The following SH3RF3 variants were observed in gnomAD, a reference collection of about 807,000 sequenced individuals.
SH3RF3 encodes SH3 domain containing ring finger 3.
In SH3RF3, 29 loss-of-function variants were observed where a neutral mutation model predicts 66.3. The ratio of observed to expected loss-of-function variants is 0.44; its 90% CI spans 0.33 to 0.60. The LOEUF is 0.60. SH3RF3 is among the 20% of genes least tolerant of loss of function. The probability of loss-of-function intolerance (pLI) is 0.04; values close to 1 mark genes in which losing one functional copy is unlikely to be tolerated. For missense variants in SH3RF3, 1,194 were observed against 1,190.9 expected (o/e 1.00, Z -0.04); for synonymous variants, 583 against 532.0 (o/e 1.10, Z -1.32).
At chr2:109,143,400 G>T (rs934994912) in intron 1 of SH3RF3, among the ~76,000 whole-genome samples, 4 of 152,098 alleles carry the variant, frequency 2.6e-5, no homozygotes, top group Non-Finnish European at 5.9e-5. Context: ...TATTCACAGG[G>T]CCAATATCTG....
At chr2:109,249,222 C>G (rs534294684) in intron 1 of SH3RF3, among the ~76,000 whole-genome samples, 1 of 152,188 alleles carries the variant, frequency 6.6e-6, no homozygotes. Context: ...AACTCCCCCC[C>G]GACTCCTACC....
At chr2:109,444,029 A>C (rs555165703) in intron 7 of SH3RF3, among the ~76,000 whole-genome samples, 18 of 152,190 alleles carry the variant, frequency 1.2e-4, no homozygotes, top group African/African-American at 4.3e-4. Context: ...AAAGGGATTC[A>C]AGTCATGGAA....
chr2:109,291,264 A>T (rs1392497891), intron 1 of SH3RF3, among the ~76,000 whole-genome samples: 1 of 151,424 alleles, frequency 6.6e-6, no homozygotes, highest in African/African-American at 2.4e-5. Flanking sequence ...TGGGAGAAAA[A>T]GAAACAGAGT....
intron 3 of SH3RF3, 135 bp downstream of exon 3, chr2:109,371,816 C>T: frequency 1.3e-6 from 1 of 752,798 alleles, no homozygotes; most frequent in Non-Finnish European, 2.2e-6. Flanking sequence ...GGCCAGAGAG[C>T]TGCTATGTGT....
At chr2:109,137,133 T>A (rs1252054273) in intron 1 of SH3RF3, among the ~76,000 whole-genome samples, 1 of 152,228 alleles carries the variant, frequency 6.6e-6, no homozygotes, top group Non-Finnish European at 1.5e-5. Context: ...AAAACATGTG[T>A]CTATATCTTT....
intron 1 of SH3RF3, among the ~76,000 whole-genome samples, chr2:109,134,631 G>C (rs1172947111): frequency 6.6e-6 from 1 of 152,176 alleles, no homozygotes; most frequent in Non-Finnish European, 1.5e-5. Context: ...GGAAATTAAG[G>C]CTCCAGAATT....
intron 1 of SH3RF3, among the ~76,000 whole-genome samples, chr2:109,138,101 C>T (rs557218906): frequency 2.6e-5 from 4 of 152,230 alleles, no homozygotes; most frequent in Non-Finnish European, 5.9e-5. Flanking sequence ...CTGCTACCTC[C>T]GCCTCCAGGG....
At chr2:109,222,123 C>T (rs1158867278) in intron 1 of SH3RF3, among the ~76,000 whole-genome samples, 1 of 151,894 alleles carries the variant, frequency 6.6e-6, no homozygotes, top group East Asian at 1.9e-4. Flanking sequence ...GACGATCTCA[C>T]TCATATGTGG....
intron 1 of SH3RF3, among the ~76,000 whole-genome samples, chr2:109,203,977 C>T (rs997391490): frequency 6.6e-6 from 1 of 152,210 alleles, no homozygotes; most frequent in Non-Finnish European, 1.5e-5. Context: ...CAGTGTGAAG[C>T]ATTTGTGGGC....
chr2:109,293,566 G>A (rs1681236996), intron 1 of SH3RF3, among the ~76,000 whole-genome samples: 1 of 152,222 alleles, frequency 6.6e-6, no homozygotes, highest in African/African-American at 2.4e-5. Flanking sequence ...AGAAAACAAA[G>A]GGTGTGAAGC....
chr2:109,497,771 G>A (rs1282774715), intron 9 of SH3RF3, among the ~76,000 whole-genome samples: 2 of 152,214 alleles, frequency 1.3e-5, no homozygotes, highest in African/African-American at 4.8e-5. Context: ...TCATTGAATT[G>A]CTCAGAAGCA....
intron 1 of SH3RF3, among the ~76,000 whole-genome samples, chr2:109,299,170 G>A (rs1474902454): frequency 2.6e-5 from 4 of 152,320 alleles, no homozygotes; most frequent in Non-Finnish European, 2.9e-5. Context: ...ACCTGCTCAC[G>A]GGGCCTCCTC....
chr2:109,449,113 G>A, intron 7 of SH3RF3, 57 bp from the exon 8 acceptor site: 2 of 1,558,288 alleles, frequency 1.3e-6, no homozygotes, highest in Non-Finnish European at 8.7e-7. Context: ...TGCCTGGCAG[G>A]CATGGCAAGT....
chr2:109,155,072 C>T (rs1418759588), intron 1 of SH3RF3, among the ~76,000 whole-genome samples: 1 of 152,176 alleles, frequency 6.6e-6, no homozygotes, highest in Non-Finnish European at 1.5e-5. Context: ...GGGGCTCTGG[C>T]CTCCCTCCGG....
At chr2:109,367,119 ATTT>A (rs150005222) in intron 2 of SH3RF3, among the ~76,000 whole-genome samples, 55 of 113,308 alleles carry the variant, frequency 4.9e-4, no homozygotes, top group East Asian at 1.6e-3. Context: ...TGCCCTGGTA[ATTT>A]TTTTTTTTTT....
intron 1 of SH3RF3, among the ~76,000 whole-genome samples, chr2:109,324,033 G>C (rs1249408420): frequency 6.6e-6 from 1 of 152,078 alleles, no homozygotes; most frequent in Non-Finnish European, 1.5e-5. Context: ...CTTTCTTTCT[G>C]GACATTTCTA....
intron 7 of SH3RF3, among the ~76,000 whole-genome samples, chr2:109,437,503 A>G (rs1268740653): frequency 6.6e-6 from 1 of 152,184 alleles, no homozygotes; most frequent in East Asian, 1.9e-4. Flanking sequence ...GACTAATAAG[A>G]TTAACACCGG....
rs192776883 is a variant in SH3RF3 at position 109,336,354 on chromosome 2, G to A, written c.574-11320G>A. 2.2e-4 allele frequency among the ~76,000 whole-genome samples: 34 copies of A among 152,340 alleles called. No homozygotes were observed. The East Asian group carries it at 4.2e-3, about 19-fold the overall frequency. ...CCACATTAAAGTGTGAAGGCTTCAA[G>A]AAGGAATTTCTCACAGATAGAACAG... On this transcript the variant is annotated intron_variant, in intron 1 of 9. Coordinates refer to ENST00000309415, the MANE Select transcript of SH3RF3 (RefSeq NM_001099289.3).
At chr2:109,244,771 C>T (rs1395794638) in intron 1 of SH3RF3, among the ~76,000 whole-genome samples, 2 of 152,194 alleles carry the variant, frequency 1.3e-5, no homozygotes, top group South Asian at 4.1e-4. Flanking sequence ...CTTGAGGCAG[C>T]CTGTGGCCCA....
Sources: gnomAD v4.1 joint callset for allele counts (sites outside exome capture counted in the v4.1 genomes callset) on GRCh38, gnomAD v4.1.1 for gene constraint, MANE v1.5 for transcripts, NCBI Gene and HGNC (gene_info 2026-07-23, HGNC 2026-07-21) for gene names.